The following SRRM4 variants were observed in gnomAD, a reference collection of about 807,000 sequenced individuals.
SRRM4 encodes the protein serine/arginine repetitive matrix protein 4.
A neutral mutation model predicts 68.9 loss-of-function variants in SRRM4; 33 were observed. The ratio of observed to expected loss-of-function variants is 0.48; its 90% CI spans 0.36 to 0.64. The LOEUF is 0.64. SRRM4 is among the 30% of genes least tolerant of loss of function. SRRM4 has a pLI of 0.00. For missense variants in SRRM4, 817 were observed against 827.1 expected (o/e 0.99, Z 0.15); for synonymous variants, 318 against 318.8 (o/e 1.00, Z 0.03).
intron 1 of SRRM4, among the ~76,000 whole-genome samples, chr12:119,022,886 G>A (rs1472670868): frequency 6.6e-6 from 1 of 152,166 alleles, no homozygotes; most frequent in African/African-American, 2.4e-5. Context: ...CCATTCTCAG[G>A]GTGTTAATGA....
intron 1 of SRRM4, among the ~76,000 whole-genome samples, chr12:119,067,959 C>T (rs1181920334): frequency 1.3e-5 from 2 of 152,188 alleles, no homozygotes; most frequent in African/African-American, 4.8e-5. Flanking sequence ...TAAATCCGGC[C>T]TCCCCATCTA....
chr12:119,090,320 C>G (rs4348966), intron 1 of SRRM4, among the ~76,000 whole-genome samples: 82,941 of 151,906 alleles, frequency 0.55, 22,903 homozygotes, highest in South Asian at 0.63. Flanking sequence ...TAGAGGTCTG[C>G]GTGCATGTGA....
intron 1 of SRRM4, among the ~76,000 whole-genome samples, chr12:118,999,257 G>A (rs138584361): frequency 5.9e-5 from 9 of 152,252 alleles, no homozygotes; most frequent in East Asian, 3.9e-4. Context: ...ATTTCTGGCC[G>A]TGTGTTCTGC....
chr12:119,027,845 C>T (rs1565892405), intron 1 of SRRM4, among the ~76,000 whole-genome samples: 1 of 152,212 alleles, frequency 6.6e-6, no homozygotes, highest in South Asian at 2.1e-4. Context: ...TTAGAGCAGT[C>T]TGAGTCTGAC....
At chr12:119,028,818 CTT>C (rs1953567368) in intron 1 of SRRM4, among the ~76,000 whole-genome samples, 1 of 152,054 alleles carries the variant, frequency 6.6e-6, no homozygotes, top group African/African-American at 2.4e-5. Context: ...AAGAAAAGGC[CTT>C]GAAGGAAAAT....
chr12:118,990,958 G>T (rs540539163), intron 1 of SRRM4, among the ~76,000 whole-genome samples: 1 of 152,026 alleles, frequency 6.6e-6, no homozygotes, highest in Non-Finnish European at 1.5e-5. Context: ...TACCCACCCC[G>T]CACCCAGCTA....
rs10533651 is a variant in SRRM4 at position 118,982,669 on chromosome 12, G to GTTTTTTTTTTTT, written c.131+665_131+666insTTTTTTTTTTTT. 2.4e-3 allele frequency among the ~76,000 whole-genome samples: 281 copies of GTTTTTTTTTTTT among 115,402 alleles called. 11 individuals are homozygous for GTTTTTTTTTTTT. The highest frequency in any genetic ancestry group is 3.6e-3 in the South Asian group (12 of 3,330). The allele number at this position is 115,402 out of a possible 152,430, so 75.7% of individuals were successfully genotyped here. A position where few individuals can be genotyped will look rare whatever the true frequency, so the allele number is the denominator to read the frequency against. On this transcript the variant is annotated intron_variant, in intron 1 of 12. Transcript: ENST00000267260. The stretch of plus-strand genomic sequence containing the variant: ...GATGATCTTGGAAGAGTTTTATTTT[G>GTTTTTTTTTTTT]TTTTTTTTTGTTTTTTTTTTTTTTT...
intron 1 of SRRM4, among the ~76,000 whole-genome samples, chr12:119,045,967 G>A (rs11611295): frequency 6.6e-6 from 1 of 151,922 alleles, no homozygotes; most frequent in African/African-American, 2.4e-5. Context: ...GAACCCGGGA[G>A]GCAGAGGTTG....
intron 1 of SRRM4, among the ~76,000 whole-genome samples, chr12:118,983,252 A>G: frequency 6.6e-6 from 1 of 152,194 alleles, no homozygotes; most frequent in East Asian, 1.9e-4. Context: ...TGAGGATCAT[A>G]CAGGTCTTTA....
At chr12:119,082,202 G>A (rs1042775259) in intron 1 of SRRM4, among the ~76,000 whole-genome samples, 2 of 152,090 alleles carry the variant, frequency 1.3e-5, no homozygotes, top group Non-Finnish European at 1.5e-5. Flanking sequence ...GGGCTCAGCC[G>A]CTCCTTTGAA....
chr12:119,083,934 A>G (rs1025337602), intron 1 of SRRM4, among the ~76,000 whole-genome samples: 2 of 152,218 alleles, frequency 1.3e-5, no homozygotes, highest in Non-Finnish European at 2.9e-5. Flanking sequence ...CAGCACAGAC[A>G]AGACGTAGAA....
intron 1 of SRRM4, among the ~76,000 whole-genome samples, chr12:119,008,708 T>G (rs946980084): frequency 2.6e-5 from 4 of 152,166 alleles, no homozygotes; most frequent in African/African-American, 9.7e-5. Flanking sequence ...TATCTCCTGA[T>G]GGGCACAGGT....
chr12:119,094,887 T>C (rs1432629805), intron 1 of SRRM4, among the ~76,000 whole-genome samples: 1 of 152,252 alleles, frequency 6.6e-6, no homozygotes, highest in African/African-American at 2.4e-5. Context: ...AAGTAGGTGT[T>C]CAGTAAACAA....
In SRRM4 at chr12:119,156,909, C is replaced by A; in HGVS notation, c.*111C>A. 1 of 1,325,410 alleles carries A rather than the reference C, an allele frequency of 7.5e-7. No homozygotes were observed. Among genetic ancestry groups the A allele is most frequent in the Non-Finnish European group, 1.0e-6 (1 of 999,056 alleles). The allele number at this position is 1,325,410 out of a possible 1,614,324, so 82.1% of individuals were successfully genotyped here. Reference sequence around the variant, plus strand: ...AATAGTGAGGGCTCCTATACCTTGTCCTTCCTGCTTGCCTAGGGGAAGAGG... The same window carrying A: ...AATAGTGAGGGCTCCTATACCTTGTACTTCCTGCTTGCCTAGGGGAAGAGG... On this transcript the variant is annotated 3_prime_UTR_variant, in exon 13 of 13. Transcript: ENST00000267260.
At chr12:119,092,608 A>G (rs1954020515) in intron 1 of SRRM4, among the ~76,000 whole-genome samples, 2 of 152,112 alleles carry the variant, frequency 1.3e-5, no homozygotes, top group African/African-American at 2.4e-5. Flanking sequence ...ATAAAAGTCC[A>G]TAATCTGGCC....
At chr12:119,099,703 A>T (rs1443417539) in intron 1 of SRRM4, among the ~76,000 whole-genome samples, 1 of 152,182 alleles carries the variant, frequency 6.6e-6, no homozygotes, top group African/African-American at 2.4e-5. Flanking sequence ...ATAAGGCTTG[A>T]CTGGAGCTGA....
rs751560436 is a variant in SRRM4, at chr12:119,154,296, G to T, written c.1445G>T (p.Arg482Leu). Residue 482 changes from arginine (R) to leucine (L), a missense_variant, in exon 12 of 13, where the codon CGA becomes CTA. By Grantham distance (102) the Arg-to-Leu change is moderately radical. Coordinates refer to ENST00000267260, the MANE Select transcript of SRRM4 (RefSeq NM_194286.4). This position sits in a 1 kb window ranked among gnomAD's most constrained non-coding sequence, Gnocchi z 4.7. Reference sequence around the variant, plus strand: ...GACTCGCAGCAGCGGGAGCGCGAGCGAGCGCGTCGGAGACGTCGGTCCTAC... The same window carrying T: ...GACTCGCAGCAGCGGGAGCGCGAGCTAGCGCGTCGGAGACGTCGGTCCTAC... ...EKDSQQRERERARRRRRSYSP... is the reference protein window; with the variant it reads ...EKDSQQRERELARRRRRSYSP... The T allele has an allele frequency of 1.9e-6, 3 of 1,611,520 alleles. No homozygotes were observed. In the South Asian group the frequency reaches 3.3e-5, roughly 18 times the overall value.
At chr12:119,131,811 T>C (rs1226280624) in intron 8 of SRRM4, among the ~76,000 whole-genome samples, 5 of 152,184 alleles carry the variant, frequency 3.3e-5, no homozygotes, top group East Asian at 1.9e-4. Flanking sequence ...AGAGTCAACA[T>C]TGATAGGGTC....
chr12:119,082,787 A>G (rs1446387128), intron 1 of SRRM4, among the ~76,000 whole-genome samples: 1 of 152,212 alleles, frequency 6.6e-6, no homozygotes, highest in East Asian at 1.9e-4. Context: ...ATGTCAGAAA[A>G]GCAGGGCTCT....
Sources: allele counts gnomAD v4.1 joint callset (sites outside exome capture counted in the v4.1 genomes callset), GRCh38; gene constraint gnomAD v4.1.1; non-coding constraint Gnocchi (gnomAD v3.1); transcripts MANE v1.5; gene names NCBI Gene and HGNC (gene_info 2026-07-23, HGNC 2026-07-21).